The following RASAL2 variants were observed in gnomAD, a reference collection of about 807,000 sequenced individuals.
RASAL2 encodes ras GTPase-activating protein nGAP.
A neutral mutation model predicts 128.9 loss-of-function variants in RASAL2; 58 were observed. The observed-to-expected ratio is 0.45, with a 90% CI of 0.36 to 0.56. RASAL2 has a LOEUF of 0.56. RASAL2 is among the 20% of genes least tolerant of loss of function. The probability of loss-of-function intolerance (pLI) is 0.00; values close to 1 mark genes in which losing one functional copy is unlikely to be tolerated. For missense variants in RASAL2, 1,360 were observed against 1,601.6 expected (o/e 0.85, Z 2.57); for synonymous variants, 561 against 580.8 (o/e 0.97, Z 0.49).
chr1:178,267,902 T>A (rs185394055), intron 1 of RASAL2, among the ~76,000 whole-genome samples: 4 of 152,330 alleles, frequency 2.6e-5, no homozygotes, highest in Admixed American at 2.6e-4. Context: ...GCTGTCATTC[T>A]TGGAATTCCT....
chr1:178,350,402 T>C (rs1353870860), intron 3 of RASAL2, among the ~76,000 whole-genome samples: 1 of 152,188 alleles, frequency 6.6e-6, no homozygotes, highest in Non-Finnish European at 1.5e-5. Context: ...TTGTTTTGTT[T>C]TGTTTTGTTT....
At chr1:178,329,155 C>G (rs564532521) in intron 3 of RASAL2, among the ~76,000 whole-genome samples, 3 of 152,242 alleles carry the variant, frequency 2.0e-5, no homozygotes, top group African/African-American at 7.2e-5. Flanking sequence ...ACTGGCAAAG[C>G]AAACACCTTT....
intron 3 of RASAL2, among the ~76,000 whole-genome samples, chr1:178,334,425 A>C (rs899559642): frequency 6.7e-6 from 1 of 150,354 alleles, no homozygotes; most frequent in Non-Finnish European, 1.5e-5. Flanking sequence ...TGCAACCTCC[A>C]CCTCCTGGGT....
intron 1 of RASAL2, among the ~76,000 whole-genome samples, chr1:178,100,871 T>C (rs1658870236): frequency 1.3e-5 from 2 of 152,188 alleles, no homozygotes; most frequent in Non-Finnish European, 2.9e-5. Flanking sequence ...TCCCTCCCTA[T>C]TGGAAAAACT....
Position 178,438,881 on chromosome 1 carries a change from CTGTGTGTGTGTGTGTGTGTG to C in RASAL2, c.675-509_675-490del, listed in dbSNP as rs3042589. On this transcript the variant is annotated intron_variant, in intron 5 of 17. Transcript: ENST00000367649. ...TGTGATAAAAAGTTGAGCTTCGACT[CTGTGTGTGTGTGTGTGTGTG>C]TGTGTGTGTGTGTGTGTGTGTGTGT... Among the ~76,000 whole-genome samples the C allele has an allele frequency of 1.5e-3, 195 of 129,466 alleles. 1 individual carries two copies. The highest frequency in any genetic ancestry group is 4.1e-3 in the African/African-American group (151 of 36,544). 84.9% of individuals were successfully genotyped at this position (129,466 alleles called of 152,430 possible).
chr1:178,302,982 A>AC (rs1667832830), intron 3 of RASAL2, among the ~76,000 whole-genome samples: 1 of 152,024 alleles, frequency 6.6e-6, no homozygotes, highest in South Asian at 2.1e-4. Flanking sequence ...GAGCCACTGC[A>AC]CTCCAGCCTG....
intron 3 of RASAL2, among the ~76,000 whole-genome samples, chr1:178,385,119 C>T (rs546873659): frequency 2.6e-5 from 4 of 152,160 alleles, no homozygotes; most frequent in Non-Finnish European, 5.9e-5. Context: ...TAATAACATT[C>T]CAGATTTATT....
At chr1:178,201,209 G>A (rs78385373) in intron 1 of RASAL2, among the ~76,000 whole-genome samples, 24,329 of 152,048 alleles carry the variant, frequency 0.16, 2,432 homozygotes, top group East Asian at 0.3. Flanking sequence ...ATCAATTTGG[G>A]CCCCCTAAGT....
intron 2 of RASAL2, among the ~76,000 whole-genome samples, chr1:178,284,451 A>G (rs1666925910): frequency 6.6e-6 from 1 of 152,216 alleles, no homozygotes; most frequent in Non-Finnish European, 1.5e-5. Context: ...GAAACATGTA[A>G]CAAGGTCAAG....
At chr1:178,139,648 G>A (rs1332411934) in intron 1 of RASAL2, among the ~76,000 whole-genome samples, 2 of 151,654 alleles carry the variant, frequency 1.3e-5, no homozygotes, top group Non-Finnish European at 2.9e-5. Flanking sequence ...TTATTTATTT[G>A]TTTATTTATT....
At chr1:178,411,932 G>T (rs1572027812) in intron 4 of RASAL2, 1 of 644,786 alleles carries the variant, frequency 1.6e-6, no homozygotes. Context: ...TGAGTATGAA[G>T]ATCAGGCAGA....
chr1:178,300,637 A>T (rs1425368236), intron 3 of RASAL2, among the ~76,000 whole-genome samples: 1 of 152,134 alleles, frequency 6.6e-6, no homozygotes, highest in Non-Finnish European at 1.5e-5. Flanking sequence ...GAGAAATCCT[A>T]CTTCCATTTT....
intron 2 of RASAL2, among the ~76,000 whole-genome samples, chr1:178,289,754 A>G (rs969352305): frequency 1.3e-5 from 2 of 152,122 alleles, no homozygotes; most frequent in African/African-American, 2.4e-5. Context: ...ATCTCCATTA[A>G]TGACAACTCC....
chr1:178,232,587 A>G (rs1186429820), intron 1 of RASAL2, among the ~76,000 whole-genome samples: 1 of 152,096 alleles, frequency 6.6e-6, no homozygotes, highest in African/African-American at 2.4e-5. Flanking sequence ...TTCATAGTGT[A>G]ATATATTTAC....
chr1:178,106,312 G>A (rs558002926), intron 1 of RASAL2, among the ~76,000 whole-genome samples: 2 of 152,260 alleles, frequency 1.3e-5, no homozygotes, highest in Admixed American at 6.5e-5. Flanking sequence ...CTGAAGTATA[G>A]CATATCCACA....
intron 1 of RASAL2, among the ~76,000 whole-genome samples, chr1:178,103,910 T>G (rs1457124785): frequency 2.0e-5 from 3 of 152,116 alleles, no homozygotes; most frequent in African/African-American, 7.2e-5. Flanking sequence ...TATGTCAGAA[T>G]GTATTTTATG....
intron 1 of RASAL2, among the ~76,000 whole-genome samples, chr1:178,171,256 C>T (rs1661696852): frequency 6.6e-6 from 1 of 151,904 alleles, no homozygotes; most frequent in Non-Finnish European, 1.5e-5. Context: ...ATTGTACCTG[C>T]TCACTCTTAT....
At chr1:178,345,628 G>A (rs965060846) in intron 3 of RASAL2, among the ~76,000 whole-genome samples, 23 of 152,046 alleles carry the variant, frequency 1.5e-4, no homozygotes, top group African/African-American at 5.3e-4. Flanking sequence ...TGTGCCTCTC[G>A]AGTCAGATCA....
intron 1 of RASAL2, among the ~76,000 whole-genome samples, chr1:178,124,492 A>G (rs566190309): frequency 6.6e-6 from 1 of 152,346 alleles, no homozygotes; most frequent in East Asian, 1.9e-4. Flanking sequence ...TTTCTAAAAT[A>G]TAATTTAGTT....
Sources: allele counts gnomAD v4.1 joint callset (sites outside exome capture counted in the v4.1 genomes callset), GRCh38; gene constraint gnomAD v4.1.1; transcripts MANE v1.5; gene names NCBI Gene and HGNC (gene_info 2026-07-23, HGNC 2026-07-21).